CSMD1: variants seen among roughly 807,000 people sequenced by gnomAD.
CSMD1 encodes the protein CUB and sushi domain-containing protein 1.
CSMD1 carries 213 observed loss-of-function variants against 417.5 expected under a neutral mutation model. The ratio of observed to expected loss-of-function variants is 0.51; its 90% confidence interval spans 0.46 to 0.57. CSMD1 has a LOEUF of 0.57. Ranked by LOEUF, CSMD1 falls within the 20% of genes least tolerant of loss-of-function variation. The pLI is 0.00. For missense variants in CSMD1, 6,923 were observed against 4,529.7 expected, an observed-to-expected ratio of 1.53 and a Z score of -15.17; for synonymous variants, 2,862 against 1,736.8, an observed-to-expected ratio of 1.65 and a Z score of -16.11.
intron 1 of CSMD1, among the ~76,000 whole-genome samples, chr8:4,785,122 A>G (rs1012201760): frequency 6.6e-6 from 1 of 152,196 alleles, no homozygotes; most frequent in Non-Finnish European, 1.5e-5. Flanking sequence ...TTTCAGGAGA[A>G]TTTTTAAACC....
At chr8:3,282,343 C>T (rs573434703) in intron 26 of CSMD1, among the ~76,000 whole-genome samples, 1 of 152,032 alleles carries the variant, frequency 6.6e-6, no homozygotes, top group African/African-American at 2.4e-5. Context: ...TCTACTCAAT[C>T]TTACTGCCAG....
chr8:3,633,102 T>G (rs1351226290), intron 7 of CSMD1, among the ~76,000 whole-genome samples: 1 of 152,252 alleles, frequency 6.6e-6, no homozygotes, highest in Admixed American at 6.5e-5. Context: ...CTGACGTCAT[T>G]GTTTTAACAT....
At chr8:3,140,226 G>A (rs966634380) in intron 41 of CSMD1, among the ~76,000 whole-genome samples, 9 of 152,102 alleles carry the variant, frequency 5.9e-5, no homozygotes, top group South Asian at 2.1e-4. Context: ...TAAGTAGGAG[G>A]TACATTCTCT....
At chr8:3,264,433 C>T (rs1057390471) in intron 26 of CSMD1, among the ~76,000 whole-genome samples, 2 of 152,100 alleles carry the variant, frequency 1.3e-5, no homozygotes, top group African/African-American at 4.8e-5. Flanking sequence ...ACACAAGTGT[C>T]AGGAGAATCT....
chr8:4,804,359 A>T (rs1798471452), intron 1 of CSMD1, among the ~76,000 whole-genome samples: 2 of 152,204 alleles, frequency 1.3e-5, no homozygotes, highest in Admixed American at 6.5e-5. Context: ...TATAATAGAG[A>T]ATCATTGATT....
chr8:4,399,668 C>T (rs900715621), intron 3 of CSMD1, among the ~76,000 whole-genome samples: 1 of 152,004 alleles, frequency 6.6e-6, no homozygotes, highest in East Asian at 1.9e-4. Context: ...TTGTAGTCTG[C>T]AGCTGAATTT....
chr8:4,971,535 T>A (rs760939817), intron 1 of CSMD1, among the ~76,000 whole-genome samples: 4 of 152,044 alleles, frequency 2.6e-5, no homozygotes, highest in Non-Finnish European at 5.9e-5. Context: ...TTATCTGACA[T>A]AATTTCTTGA....
chr8:3,818,169 G>A (rs953765391), intron 5 of CSMD1, among the ~76,000 whole-genome samples: 6 of 151,950 alleles, frequency 3.9e-5, no homozygotes, highest in Admixed American at 2.0e-4. Context: ...GACACTCATA[G>A]GATGCCAACT....
intron 5 of CSMD1, among the ~76,000 whole-genome samples, chr8:3,925,081 C>A (rs1413183013): frequency 6.6e-6 from 1 of 152,164 alleles, no homozygotes; most frequent in Non-Finnish European, 1.5e-5. Context: ...TATGCCTGCC[C>A]CACTTCTCTT....
intron 4 of CSMD1, among the ~76,000 whole-genome samples, chr8:4,027,676 G>A (rs1020958180): frequency 3.3e-5 from 5 of 152,128 alleles, no homozygotes; most frequent in Non-Finnish European, 5.9e-5. Flanking sequence ...GCATGATAAC[G>A]GACTAATACA....
intron 1 of CSMD1, among the ~76,000 whole-genome samples, chr8:4,780,221 CA>C (rs1239800994): frequency 6.6e-6 from 1 of 152,218 alleles, no homozygotes; most frequent in Non-Finnish European, 1.5e-5. Flanking sequence ...TGCAAACAAA[CA>C]AAACCTTTAT....
intron 21 of CSMD1, among the ~76,000 whole-genome samples, chr8:3,356,705 A>G (rs186970163): frequency 6.6e-6 from 1 of 152,224 alleles, no homozygotes; most frequent in Admixed American, 6.5e-5. Flanking sequence ...AAAAAAACGT[A>G]ATGGCAAAAA....
At chr8:4,254,341 T>C (rs924450609) in intron 3 of CSMD1, among the ~76,000 whole-genome samples, 1 of 151,940 alleles carries the variant, frequency 6.6e-6, no homozygotes, top group Non-Finnish European at 1.5e-5. Flanking sequence ...CTATGGAGAG[T>C]CTGCTTGTAT....
rs1036362569 is a variant in CSMD1 at position 4,659,201 on chromosome 8, T to C, written c.86-21643A>G. On this transcript the variant is annotated intron_variant, in intron 1 of 69. Transcript: ENST00000635120. Reference sequence around the variant, plus strand: ...GAAAACGAGGACACACAAAAATATATATGGAATCAGAAAAACAGTGCTCAG... The same window carrying C: ...GAAAACGAGGACACACAAAAATATACATGGAATCAGAAAAACAGTGCTCAG... Among the ~76,000 whole-genome samples the C allele has an allele frequency of 4.6e-5, 7 of 151,814 alleles. No homozygotes were observed. The South Asian group carries it at 1.2e-3, about 27-fold the overall frequency.
At position 4,312,386 on chromosome 8, in the gene CSMD1, T is replaced by C. The variant is rs938238970; in HGVS notation, c.415+107567A>G. The stretch of plus-strand genomic sequence containing the variant: ...ACTTTTAATGGAACAAATATATATA[T>C]ATATATACATACATATATATGCGTG... On this transcript the variant is annotated intron_variant, in intron 3 of 69. Transcript: ENST00000635120. Among the ~76,000 whole-genome samples, 6 of 63,472 alleles carry C rather than the reference T, an allele frequency of 9.5e-5. 1 individual carries two copies. Among genetic ancestry groups the C allele is most frequent in the African/African-American group, 3.1e-4 (5 of 16,392 alleles). 41.6% of individuals were successfully genotyped at this position (63,472 alleles called of 152,430 possible). A position where few individuals can be genotyped will look rare whatever the true frequency, so the allele number is the denominator to read the frequency against.
chr8:3,145,707 T>C (rs1283401744), intron 40 of CSMD1, among the ~76,000 whole-genome samples: 4 of 152,238 alleles, frequency 2.6e-5, no homozygotes, highest in Admixed American at 6.5e-5. Flanking sequence ...CAGTTTGACA[T>C]TGTAAAGCCC....
rs375044566 is a variant in CSMD1 at position 4,908,200 on chromosome 8, G to T, written c.85+86132C>A. Among the ~76,000 whole-genome samples, 20 of 152,156 alleles carry T rather than the reference G, an allele frequency of 1.3e-4. 1 individual carries two copies. The East Asian group carries it at 3.1e-3, about 24-fold the overall frequency. ...ATTTTGCTCCATTCTCTTCTTGTTT[G>T]CAGTTTCTGATAAGAAATTTGCTGC... is the stretch of plus-strand genomic sequence containing the variant. On this transcript the variant is annotated intron_variant, in intron 1 of 69. Coordinates refer to ENST00000635120, the MANE Select transcript of CSMD1 (RefSeq NM_033225.6).
At chr8:4,169,737 G>T (rs769569812) in intron 3 of CSMD1, among the ~76,000 whole-genome samples, 4 of 152,100 alleles carry the variant, frequency 2.6e-5, no homozygotes, top group Non-Finnish European at 5.9e-5. Context: ...ACTTGTGGAG[G>T]TTCAAACGCC....
chr8:4,459,386 G>T (rs1004838861), intron 2 of CSMD1, among the ~76,000 whole-genome samples: 1 of 152,220 alleles, frequency 6.6e-6, no homozygotes, highest in Non-Finnish European at 1.5e-5. Flanking sequence ...AAACAAGAAT[G>T]TCAGTCCAGC....
Sources: allele counts gnomAD v4.1 joint callset (sites outside exome capture counted in the v4.1 genomes callset), GRCh38; gene constraint gnomAD v4.1.1; transcripts MANE v1.5; gene names NCBI Gene and HGNC (gene_info 2026-07-23, HGNC 2026-07-21).